The following FMN1 variants were observed in gnomAD, a reference collection of about 807,000 sequenced individuals.
FMN1 encodes the protein formin-1.
FMN1 carries 110 observed loss-of-function variants against 132.4 expected under a neutral mutation model. The observed-to-expected ratio is 0.83, with a 90% CI of 0.71 to 0.97. The LOEUF (loss-of-function observed/expected upper bound fraction) is 0.97, where lower values mean the gene tolerates loss of function less well. FMN1 is among the 50% of genes least tolerant of loss of function. FMN1 has a pLI of 0.00. For missense variants in FMN1, 1,792 were observed against 1,705.3 expected (o/e 1.05, Z -0.90); for synonymous variants, 722 against 651.7 (o/e 1.11, Z -1.64).
At position 32,774,342 on chromosome 15, in the gene FMN1, G is replaced by A. The variant is rs866300506; in HGVS notation, c.4228C>T (p.Arg1410Cys). 13 of 1,597,874 alleles carry A rather than the reference G, an allele frequency of 8.1e-6. No homozygotes were observed. Among genetic ancestry groups the A allele is most frequent in the Admixed American group, 5.2e-5 (3 of 57,652 alleles). The stretch of plus-strand genomic sequence containing the variant: ...GTGGTCACACTGGCTTCCTTCTGAC[G>A]CAGTCTTTCTTTCTGTTAAGGAAAA... The part of the protein sequence containing the change: ...NPTASLKERL[R>C]QKEASVTTN Residue 1410 changes from arginine to cysteine, a missense_variant, in exon 21 of 21, where the codon CGT (arginine) becomes TGT (cysteine). Around this residue, in one of 3 missense-constraint regions of FMN1, gnomAD observed 1,150 missense variants for 1,043.1 expected, o/e 1.10. Coordinates refer to ENST00000616417, the MANE Select transcript of FMN1 (RefSeq NM_001277313.2).
At chr15:32,878,381 C>T (rs551664755) in intron 16 of FMN1, among the ~76,000 whole-genome samples, 5 of 152,216 alleles carry the variant, frequency 3.3e-5, no homozygotes, top group Admixed American at 1.3e-4. Flanking sequence ...GTGACCTATG[C>T]GGCAGGTGGA....
At position 33,018,416 on chromosome 15, in the gene FMN1, G is replaced by A. The variant is rs111845030; in HGVS notation, c.2162-10341C>T. ...CTCCCAACCTATGGGGAGGGCAGAG[G>A]AGCTGAAGGTTGAGTCGCTCACCAA... On this transcript the variant is annotated intron_variant, in intron 6 of 20. Coordinates refer to ENST00000616417, the MANE Select transcript of FMN1 (RefSeq NM_001277313.2). Among the ~76,000 whole-genome samples the A allele has an allele frequency of 7.4e-3, 1,129 of 152,210 alleles. 17 individuals are homozygous for A. The highest frequency in any genetic ancestry group is 0.024 in the African/African-American group (1,001 of 41,516).
At chr15:32,916,761 A>C (rs1176661635) in intron 10 of FMN1, among the ~76,000 whole-genome samples, 1 of 152,210 alleles carries the variant, frequency 6.6e-6, no homozygotes, top group African/African-American at 2.4e-5. Flanking sequence ...ACTTGACTCT[A>C]TTAGCAGAAA....
intron 5 of FMN1, among the ~76,000 whole-genome samples, chr15:33,074,825 G>A (rs943489837): frequency 3.9e-5 from 6 of 151,960 alleles, no homozygotes; most frequent in Middle Eastern, 3.4e-3. Flanking sequence ...AGACCAGCCT[G>A]GTCAAGATGG....
chr15:32,997,705 A>C (rs1392930811), intron 7 of FMN1, among the ~76,000 whole-genome samples: 1 of 152,160 alleles, frequency 6.6e-6, no homozygotes, highest in Non-Finnish European at 1.5e-5. Context: ...ACAATCTCTT[A>C]CCATGCCTTC....
intron 6 of FMN1, among the ~76,000 whole-genome samples, chr15:33,055,017 C>CA (rs2037152167): frequency 6.6e-6 from 1 of 152,142 alleles, no homozygotes; most frequent in Admixed American, 6.5e-5. Context: ...CCACAGCACT[C>CA]AAAAATTTAA....
intron 7 of FMN1, among the ~76,000 whole-genome samples, chr15:33,003,248 G>A (rs146814111): frequency 1.3e-5 from 2 of 152,324 alleles, no homozygotes; most frequent in African/African-American, 4.8e-5. Context: ...TAGGAAAAGA[G>A]AAAGTCAAAT....
intron 5 of FMN1, among the ~76,000 whole-genome samples, chr15:33,069,993 C>CTTTTTTTTTTTTTTTTTTTTTTTTTTT (rs1171369156): frequency 1.3e-5 from 1 of 74,292 alleles, no homozygotes; most frequent in African/African-American, 5.3e-5. Flanking sequence ...CAGTCTTTCT[C>CTTTTTTTTTTTTTTTTTTTTTTTTTTT]TTTTTTTTTT....
At chr15:32,957,605 G>T (rs1325884775) in intron 9 of FMN1, among the ~76,000 whole-genome samples, 1 of 152,124 alleles carries the variant, frequency 6.6e-6, no homozygotes, top group Admixed American at 6.5e-5. Flanking sequence ...ATAGTTTTAG[G>T]AATTGACACA....
At chr15:32,909,351 A>C (rs1039423640) in intron 11 of FMN1, among the ~76,000 whole-genome samples, 1 of 152,218 alleles carries the variant, frequency 6.6e-6, no homozygotes, top group African/African-American at 2.4e-5. Flanking sequence ...CCAAGTATTC[A>C]AGTGCATAAT....
At chr15:32,887,202 A>G (rs1202247043) in intron 16 of FMN1, among the ~76,000 whole-genome samples, 6 of 152,078 alleles carry the variant, frequency 3.9e-5, no homozygotes, top group Admixed American at 1.3e-4. Flanking sequence ...TTCACAATAA[A>G]CATTTTAAAA....
chr15:33,140,160 T>C (rs1346557693), intron 4 of FMN1, among the ~76,000 whole-genome samples: 2 of 150,840 alleles, frequency 1.3e-5, no homozygotes, highest in African/African-American at 2.4e-5. Context: ...ATAAAATTTA[T>C]TTTGTCCCTA....
intron 12 of FMN1, among the ~76,000 whole-genome samples, chr15:32,903,907 G>C (rs1489574790): frequency 1.3e-5 from 2 of 152,102 alleles, no homozygotes; most frequent in Non-Finnish European, 2.9e-5. Flanking sequence ...TTAAGCAGAA[G>C]GGTCTGCAAC....
In FMN1 at chr15:32,966,624, G is replaced by A. The variant is rs115751348; in HGVS notation, c.2987+2090C>T. Among the ~76,000 whole-genome samples the A allele has an allele frequency of 2.1e-3, 324 of 152,120 alleles. 2 individuals are homozygous for A. The highest frequency in any genetic ancestry group is 7.5e-3 in the African/African-American group (310 of 41,516). ...AAAGAGACACCCAAGAAGGCAAAAC[G>A]TCAAAAGAAAAAAAATCAGTTCATA... is the stretch of plus-strand genomic sequence containing the variant. On this transcript the variant is annotated intron_variant, in intron 8 of 20. Coordinates refer to ENST00000616417, the MANE Select transcript of FMN1 (RefSeq NM_001277313.2).
intron 16 of FMN1, among the ~76,000 whole-genome samples, chr15:32,874,922 C>G (rs753338403): frequency 2.6e-5 from 4 of 152,148 alleles, no homozygotes; most frequent in African/African-American, 9.7e-5. Flanking sequence ...AAAAACACAA[C>G]CAAATTAGCA....
chr15:33,177,121 G>A (rs536986671), intron 3 of FMN1, among the ~76,000 whole-genome samples: 2 of 152,346 alleles, frequency 1.3e-5, no homozygotes, highest in South Asian at 4.1e-4. Flanking sequence ...TTACAAGGAA[G>A]AAGCTGAGGC....
At chr15:32,861,042 T>C (rs1024066442) in intron 16 of FMN1, among the ~76,000 whole-genome samples, 3 of 152,228 alleles carry the variant, frequency 2.0e-5, no homozygotes, top group African/African-American at 7.2e-5. Flanking sequence ...ATTCTGAGAA[T>C]ACAGTTAAAG....
intron 3 of FMN1, among the ~76,000 whole-genome samples, chr15:33,163,765 C>T (rs1460426915): frequency 1.3e-5 from 2 of 151,814 alleles, no homozygotes; most frequent in African/African-American, 4.8e-5. Flanking sequence ...TTACAGGCAG[C>T]CGCCATCATG....
chr15:33,016,405 G>C (rs2035048642), intron 6 of FMN1, among the ~76,000 whole-genome samples: 1 of 152,180 alleles, frequency 6.6e-6, no homozygotes, highest in African/African-American at 2.4e-5. Flanking sequence ...AAACCAAAGT[G>C]TGCAGCCTGG....
Sources: allele counts gnomAD v4.1 joint callset (sites outside exome capture counted in the v4.1 genomes callset), GRCh38; gene constraint gnomAD v4.1.1; regional missense constraint gnomAD v4.1.1; transcripts MANE v1.5; gene names NCBI Gene and HGNC (gene_info 2026-07-23, HGNC 2026-07-21).